IFI16: variants seen among roughly 807,000 people sequenced by gnomAD.
The protein encoded by IFI16 is gamma-interferon-inducible protein 16.
IFI16 carries 49 observed loss-of-function variants against 68.4 expected under a neutral mutation model. That is an observed-to-expected ratio of 0.72 (90% confidence interval 0.57 to 0.91). The LOEUF (loss-of-function observed/expected upper bound fraction) is 0.91. Among genes scored for constraint, IFI16 ranks in the 40% least tolerant of loss-of-function variants. IFI16 has a pLI of 0.00. For missense variants in IFI16, 878 were observed against 942.9 expected, an observed-to-expected ratio of 0.93 and a Z score of 0.90; for synonymous variants, 307 against 315.0, an observed-to-expected ratio of 0.97 and a Z score of 0.27.
At chr1:159,053,453 C>T (rs1655480192) in intron 10 of IFI16, 80 bp from the exon 11 acceptor site, 2 of 1,030,486 alleles carry the variant, frequency 1.9e-6, no homozygotes, top group Non-Finnish European at 2.9e-6. Context: ...ACAAAAGTTT[C>T]CAGAAACACC....
At chr1:159,039,660 C>T (rs1055013927) in intron 7 of IFI16, among the ~76,000 whole-genome samples, 15 of 152,140 alleles carry the variant, frequency 9.9e-5, no homozygotes, top group Admixed American at 9.2e-4. Flanking sequence ...TATCTCATTC[C>T]GAAAACCACA....
intron 7 of IFI16, among the ~76,000 whole-genome samples, chr1:159,038,564 G>A (rs568163482): frequency 3.9e-5 from 6 of 152,106 alleles, no homozygotes; most frequent in East Asian, 1.9e-4. Flanking sequence ...ATGAGGTCTC[G>A]CTATATTGCC....
intron 2 of IFI16, 99 bp downstream of exon 2, chr1:159,015,044 C>T: frequency 8.3e-7 from 1 of 1,206,202 alleles, no homozygotes; most frequent in South Asian, 1.5e-5. Flanking sequence ...GATGTGTTTT[C>T]CCCAGTTTGT....
chr1:159,015,338 TA>T (rs1270153470), intron 2 of IFI16, among the ~76,000 whole-genome samples: 1 of 152,136 alleles, frequency 6.6e-6, no homozygotes, highest in Non-Finnish European at 1.5e-5. Flanking sequence ...CTTTATAATT[TA>T]AAAAAATGCA....
At chr1:159,015,124 T>G (rs1437066562) in intron 2 of IFI16, among the ~76,000 whole-genome samples, 179 bp downstream of exon 2, 1 of 152,230 alleles carries the variant, frequency 6.6e-6, no homozygotes, top group Non-Finnish European at 1.5e-5. Context: ...ATTCCATTAC[T>G]GGTGTAGATT....
At chr1:159,051,487 C>T (rs1415092074) in intron 9 of IFI16, among the ~76,000 whole-genome samples, 192 bp from the exon 10 acceptor site, 1 of 152,130 alleles carries the variant, frequency 6.6e-6, no homozygotes, top group Admixed American at 6.5e-5. Flanking sequence ...AATAAAATTA[C>T]TCCTTACATC....
upstream of IFI16, among the ~76,000 whole-genome samples, chr1:159,009,620 C>G (rs544100596): frequency 1.3e-5 from 2 of 152,264 alleles, no homozygotes; most frequent in Admixed American, 1.3e-4. Flanking sequence ...GAACTCCTTT[C>G]AGCTATCGAA....
intron 7 of IFI16, among the ~76,000 whole-genome samples, chr1:159,041,427 A>G (rs529507965): frequency 6.6e-6 from 1 of 152,330 alleles, no homozygotes; most frequent in Admixed American, 6.5e-5. Flanking sequence ...GGATCCTCGC[A>G]GCAAAGATCA....
upstream of IFI16, chr1:159,009,749 G>A (rs893759855): frequency 2.0e-5 from 3 of 152,164 alleles, no homozygotes; most frequent in Non-Finnish European, 2.9e-5. Flanking sequence ...CACATCACCC[G>A]AAAAATGTTA....
chr1:159,005,231 A>G (rs1416727811), upstream of IFI16, among the ~76,000 whole-genome samples: 1 of 152,216 alleles, frequency 6.6e-6, no homozygotes, highest in Non-Finnish European at 1.5e-5. Context: ...TAAATTACCC[A>G]GTCTATAGTA....
intron 1 of IFI16, among the ~76,000 whole-genome samples, chr1:159,012,108 T>C (rs1275054852): frequency 2.1e-5 from 1 of 48,344 alleles, no homozygotes; most frequent in Non-Finnish European, 1.6e-4. Context: ...TTTAATTTTA[T>C]TCATGTTTTC....
At chr1:159,023,142 GT>G (rs1348918439) in intron 6 of IFI16, among the ~76,000 whole-genome samples, 2 of 151,980 alleles carry the variant, frequency 1.3e-5, no homozygotes, top group South Asian at 2.1e-4. Context: ...CTGAACCAAT[GT>G]TTTATTATTT....
At chr1:159,045,511 G>T in intron 8 of IFI16, 47 bp downstream of exon 8, 1 of 1,602,018 alleles carries the variant, frequency 6.2e-7, no homozygotes, top group Non-Finnish European at 8.5e-7. Flanking sequence ...ACAATGTAAT[G>T]ACAAGGATTA....
chr1:159,003,461 C>A (rs1652132187), upstream of IFI16, among the ~76,000 whole-genome samples: 1 of 152,128 alleles, frequency 6.6e-6, no homozygotes, highest in Admixed American at 6.6e-5. Context: ...CCTAAAGGAG[C>A]TCGATCTCTG....
intron 1 of IFI16, among the ~76,000 whole-genome samples, chr1:159,014,048 T>C (rs2101806254): frequency 6.6e-6 from 1 of 152,340 alleles, no homozygotes; most frequent in East Asian, 1.9e-4. Context: ...ACTGTGATGC[T>C]GCACTAGAAA....
rs1356889395 is a variant in IFI16 at position 159,032,636 on chromosome 1, A to G, written c.1274A>G (p.His425Arg). Reference protein sequence around the residue: ...SEASTTFPESHLRTPQMPPTT... With the variant: ...SEASTTFPESRLRTPQMPPTT... Reference sequence around the variant, plus strand: ...GCCAGCACAACCTTCCCTGAGAGCCATCTTCGGACTCCTCAGATGCCACCA... The same window carrying G: ...GCCAGCACAACCTTCCCTGAGAGCCGTCTTCGGACTCCTCAGATGCCACCA... The change falls in exon 7 of 12, where the codon CAT (histidine) becomes CGT (arginine). Residue 425 changes from histidine (H) to arginine (R), a missense_variant. By Grantham distance (29) the His-to-Arg change is conservative. Transcript: ENST00000295809. 24 of 1,612,204 alleles carry G rather than the reference A, an allele frequency of 1.5e-5. No homozygotes were observed. Among genetic ancestry groups the G allele is most frequent in the Non-Finnish European group, 2.0e-5 (23 of 1,179,292 alleles).
chr1:159,046,008 C>T (rs889430422), intron 8 of IFI16, among the ~76,000 whole-genome samples: 3 of 151,312 alleles, frequency 2.0e-5, no homozygotes, highest in Non-Finnish European at 3.0e-5. Context: ...AATCACATTA[C>T]GCATATTTTT....
intron 6 of IFI16, among the ~76,000 whole-genome samples, chr1:159,021,690 T>C (rs1415887933): frequency 1.3e-5 from 2 of 152,216 alleles, no homozygotes; most frequent in Non-Finnish European, 2.9e-5. Flanking sequence ...CTGTTTACTA[T>C]AGTAGTTCTA....
intron 8 of IFI16, among the ~76,000 whole-genome samples, chr1:159,048,622 A>C (rs560204809): frequency 6.6e-6 from 1 of 151,560 alleles, no homozygotes; most frequent in Non-Finnish European, 1.5e-5. Flanking sequence ...CACTACAAGC[A>C]GTTCTTTTGT....
Sources: allele counts gnomAD v4.1 joint callset (sites outside exome capture counted in the v4.1 genomes callset), GRCh38; gene constraint gnomAD v4.1.1; transcripts MANE v1.5; gene names NCBI Gene and HGNC (gene_info 2026-07-23, HGNC 2026-07-21).